IGF2BP2: variants seen among roughly 807,000 people sequenced by gnomAD.
IGF2BP2 encodes insulin like growth factor 2 mRNA binding protein 2, also known as insulin-like growth factor 2 mRNA-binding protein 2.
Under a neutral mutation model 75.8 loss-of-function variants are expected in IGF2BP2, and 17 were observed. The observed-to-expected ratio is 0.22, with a 90% CI of 0.15 to 0.34. IGF2BP2 has a LOEUF of 0.34. IGF2BP2 is among the 10% of genes least tolerant of loss of function. The probability of loss-of-function intolerance (pLI) is 1.00; values close to 1 mark genes in which losing one functional copy is unlikely to be tolerated. For missense variants in IGF2BP2, 516 were observed against 772.4 expected (o/e 0.67, Z 3.93); for synonymous variants, 288 against 295.6 (o/e 0.97, Z 0.26).
intron 12 of IGF2BP2, among the ~76,000 whole-genome samples, chr3:185,653,002 G>A (rs565074588): frequency 1.4e-4 from 22 of 152,210 alleles, no homozygotes; most frequent in Non-Finnish European, 2.5e-4. Flanking sequence ...AGTGAGATGG[G>A]GTTTCACCAT....
chr3:185,665,998 G>GCACATAGA (rs1553851821), intron 10 of IGF2BP2, among the ~76,000 whole-genome samples: 1 of 128,216 alleles, frequency 7.8e-6, no homozygotes, highest in Non-Finnish European at 1.6e-5. Flanking sequence ...AGGTAGATAG[G>GCACATAGA]TACATAGATA....
At chr3:185,792,236 C>CA (rs1232862891) in intron 2 of IGF2BP2, among the ~76,000 whole-genome samples, 1 of 152,026 alleles carries the variant, frequency 6.6e-6, no homozygotes, top group Non-Finnish European at 1.5e-5. Context: ...ATGGCCCCTC[C>CA]AAAAAAGCAG....
At position 185,687,043 on chromosome 3, in the gene IGF2BP2, G is replaced by C; in HGVS notation, c.812+14C>G. 1 of 1,610,626 alleles carries C rather than the reference G, an allele frequency of 6.2e-7. No homozygotes were observed. The highest frequency in any genetic ancestry group is 8.5e-7 in the Non-Finnish European group (1 of 1,179,352). ...TTCTCTGTTGAGTGATCTGGGCATT[G>C]CATGCAAACTTACAGTTTGGTCTCA... is the stretch of plus-strand genomic sequence containing the variant. On this transcript the variant is annotated intron_variant, in intron 7 of 15. Transcript: ENST00000382199.
chr3:185,697,488 G>C (rs1432955476), intron 3 of IGF2BP2, among the ~76,000 whole-genome samples: 1 of 151,932 alleles, frequency 6.6e-6, no homozygotes, highest in East Asian at 1.9e-4. Flanking sequence ...GTTTTCTTTG[G>C]GTGGGGAATA....
At position 185,697,181 on chromosome 3, in the gene IGF2BP2, ACCTCCATCT is replaced by A. The variant is rs371105158; in HGVS notation, c.289-527_289-519del. On this transcript the variant is annotated intron_variant, in intron 3 of 15. Coordinates refer to ENST00000382199, the MANE Select transcript of IGF2BP2 (RefSeq NM_006548.6). The stretch of plus-strand genomic sequence containing the variant: ...AGTGGCACCATCTCGGCTCACAGCA[ACCTCCATCT>A]CCTGGGTTCCAGTGCAGCCACTCTC... Among the ~76,000 whole-genome samples the A allele has an allele frequency of 1.1e-3, 165 of 152,244 alleles. 2 individuals carry two copies. Among genetic ancestry groups the A allele is most frequent in the African/African-American group, 3.7e-3 (153 of 41,532 alleles).
At chr3:185,696,744 A>G in intron 3 of IGF2BP2, 81 bp from the exon 4 acceptor site, 2 of 1,128,492 alleles carry the variant, frequency 1.8e-6, no homozygotes, top group Non-Finnish European at 2.7e-6. Context: ...ACCCCAGCAA[A>G]CAAATTAAAG....
rs145434678 is a variant in IGF2BP2, at chr3:185,802,525, T to C, written c.239+20628A>G. Among the ~76,000 whole-genome samples the C allele has an allele frequency of 5.3e-5, 8 of 152,372 alleles. No individual in the cohort carries two copies. The East Asian group carries it at 1.5e-3, about 29-fold the overall frequency. ...CTGGCTAATGCATCGTAGTGGGTGCTGAAGTCATGCTCTTCCAAGTTGAAA... is the reference window on the plus strand; with the variant it reads ...CTGGCTAATGCATCGTAGTGGGTGCCGAAGTCATGCTCTTCCAAGTTGAAA... On this transcript the variant is annotated intron_variant, in intron 2 of 15. Coordinates refer to ENST00000382199, the MANE Select transcript of IGF2BP2 (RefSeq NM_006548.6).
In IGF2BP2 at chr3:185,698,520, T is replaced by C. The variant is rs180745916; in HGVS notation, c.240-173A>G. Reference sequence around the variant, plus strand: ...AGCATAGTTTTTTTGTTGTTTTTTTTCGAGCCAGAGTCTCGCTCTGTCGCC... The same window carrying C: ...AGCATAGTTTTTTTGTTGTTTTTTTCCGAGCCAGAGTCTCGCTCTGTCGCC... On this transcript the variant is annotated intron_variant, in intron 2 of 15. Transcript: ENST00000382199. Among the ~76,000 whole-genome samples the C allele has an allele frequency of 3.1e-3, 473 of 152,338 alleles. 2 individuals are homozygous for C. Among genetic ancestry groups the C allele is most frequent in the African/African-American group, 0.01 (427 of 41,574 alleles).
chr3:185,761,475 G>A (rs980059632), intron 2 of IGF2BP2, among the ~76,000 whole-genome samples: 6 of 152,132 alleles, frequency 3.9e-5, no homozygotes, highest in East Asian at 1.9e-4. Context: ...CAAGAACTAC[G>A]GCTTCACTGC....
chr3:185,746,332 G>A (rs142583638), intron 2 of IGF2BP2, among the ~76,000 whole-genome samples: 2 of 152,120 alleles, frequency 1.3e-5, no homozygotes, highest in Non-Finnish European at 2.9e-5. Context: ...TGCTCACAGC[G>A]ACCATGGACA....
At position 185,796,617 on chromosome 3, in the gene IGF2BP2, G is replaced by GA. The variant is rs539355035; in HGVS notation, c.239+26535dup. On this transcript the variant is annotated intron_variant, in intron 2 of 15. Transcript: ENST00000382199. Reference sequence around the variant, plus strand: ...GGGACAAGAACAATTCCTGAGCTAGGAAAAAAAAAAAAAAAAAGAGAGAGA... The same window carrying GA: ...GGGACAAGAACAATTCCTGAGCTAGGAAAAAAAAAAAAAAAAAAGAGAGAGA... 7.4e-3 allele frequency among the ~76,000 whole-genome samples: 559 copies of GA among 75,912 alleles called. 2 individuals are homozygous for GA. Among genetic ancestry groups the GA allele is most frequent in the Middle Eastern group, 0.014 (2 of 146 alleles). 49.8% of individuals were successfully genotyped at this position (75,912 alleles called of 152,430 possible). A position where few individuals can be genotyped will look rare whatever the true frequency, so the allele number is the denominator to read the frequency against.
intron 2 of IGF2BP2, among the ~76,000 whole-genome samples, chr3:185,776,478 A>C (rs952029429): frequency 2.0e-5 from 3 of 152,180 alleles, no homozygotes; most frequent in Non-Finnish European, 4.4e-5. Flanking sequence ...TGGTGGTGCA[A>C]CTGAGATCCA....
intron 2 of IGF2BP2, chr3:185,728,111 A>G (rs1159934013): frequency 6.6e-6 from 1 of 152,234 alleles, no homozygotes; most frequent in Non-Finnish European, 1.5e-5. Context: ...GATTCACACA[A>G]AATAAAGAAT....
chr3:185,681,326 G>C (rs1720355880), intron 7 of IGF2BP2, among the ~76,000 whole-genome samples: 1 of 152,094 alleles, frequency 6.6e-6, no homozygotes, highest in African/African-American at 2.4e-5. Flanking sequence ...AGAAAACACT[G>C]CCACTTACAA....
At chr3:185,756,882 G>A (rs2077813619) in intron 2 of IGF2BP2, among the ~76,000 whole-genome samples, 1 of 152,110 alleles carries the variant, frequency 6.6e-6, no homozygotes, top group African/African-American at 2.4e-5. Flanking sequence ...GACTGAGGTG[G>A]GAAGGTGAGC....
intron 2 of IGF2BP2, among the ~76,000 whole-genome samples, chr3:185,793,073 G>A (rs528708473): frequency 1.3e-5 from 2 of 152,282 alleles, no homozygotes; most frequent in South Asian, 2.1e-4. Flanking sequence ...TACAGGGGTG[G>A]TTACAAATGT....
intron 12 of IGF2BP2, among the ~76,000 whole-genome samples, chr3:185,652,697 T>C (rs1351750725): frequency 1.3e-5 from 2 of 152,112 alleles, no homozygotes; most frequent in African/African-American, 2.4e-5. Flanking sequence ...CCACGGCAAG[T>C]GGGTCATAAG....
intron 2 of IGF2BP2, among the ~76,000 whole-genome samples, chr3:185,821,468 A>G (rs1186922189): frequency 6.6e-6 from 1 of 152,242 alleles, no homozygotes; most frequent in Non-Finnish European, 1.5e-5. Flanking sequence ...TCCGGCTAAC[A>G]GCAAATAATC....
intron 2 of IGF2BP2, among the ~76,000 whole-genome samples, chr3:185,763,735 G>A (rs1560431752): frequency 6.6e-6 from 1 of 152,190 alleles, no homozygotes. Context: ...GCAGAACAAA[G>A]ACATATATCA....
Sources: gnomAD v4.1 joint callset for allele counts (sites outside exome capture counted in the v4.1 genomes callset) on GRCh38, gnomAD v4.1.1 for gene constraint, MANE v1.5 for transcripts, NCBI Gene and HGNC (gene_info 2026-07-23, HGNC 2026-07-21) for gene names.